ACSS1: variants seen among roughly 807,000 people sequenced by gnomAD.
ACSS1 encodes the protein acetyl-coenzyme A synthetase 2-like, mitochondrial.
Under a neutral mutation model 75.3 loss-of-function variants are expected in ACSS1, and 42 were observed. The ratio of observed to expected loss-of-function variants is 0.56; its 90% CI spans 0.44 to 0.72. ACSS1 has a LOEUF of 0.72. Ranked by LOEUF, ACSS1 falls within the 30% of genes least tolerant of loss-of-function variation. ACSS1 has a pLI of 0.00. For synonymous variants in ACSS1, 380 were observed against 376.8 expected, an observed-to-expected ratio of 1.01 and a Z score of -0.10; for missense variants, 782 against 935.7, an observed-to-expected ratio of 0.84 and a Z score of 2.14.
At position 25,031,181 on chromosome 20, in the gene ACSS1, A is replaced by T. The variant is rs1298613933; in HGVS notation, c.432-223T>A. 4.7e-6 allele frequency: 3 copies of T among 641,654 alleles called. No homozygotes were observed. The African/African-American group carries it at 5.5e-5, about 12-fold the overall frequency. The allele number at this position is 641,654 out of a possible 1,614,324, so 39.7% of individuals were successfully genotyped here. On this transcript the variant is annotated intron_variant, in intron 2 of 13. Transcript: ENST00000323482. ...GGCAGAGATTCACTGCCACATTGCT[A>T]GGGTGACAAGGCTATCCTTAAGTCC... is the stretch of plus-strand genomic sequence containing the variant.
rs150396457 is a variant in ACSS1 at position 25,053,770 on chromosome 20, T to C, written c.334+3999A>G. 2.0e-4 allele frequency among the ~76,000 whole-genome samples: 30 copies of C among 152,294 alleles called. No individual in the cohort carries two copies. The East Asian group carries it at 5.8e-3, about 29-fold the overall frequency. ...TAATCTCCAAAAAGCATCCAAGAAA[T>C]TTCCCAGTGCTCAATGCTTGGTTAC... On this transcript the variant is annotated intron_variant, in intron 1 of 13. Transcript: ENST00000323482.
chr20:25,055,678 T>C (rs1166233263), intron 1 of ACSS1, among the ~76,000 whole-genome samples: 1 of 152,242 alleles, frequency 6.6e-6, no homozygotes, highest in Non-Finnish European at 1.5e-5. Flanking sequence ...TCTCAGGTAA[T>C]GCTGATGCTG....
intron 11 of ACSS1, 34 bp downstream of exon 11, chr20:25,012,778 T>C (rs6132785): frequency 0.28 from 444,575 of 1,613,144 alleles, 65,276 homozygotes; most frequent in African/African-American, 0.48. Context: ...CATGGAGGTG[T>C]AGGAGTGAAG....
chr20:25,015,228 C>A lies in ACSS1; in HGVS notation c.1249G>T (p.Gly417Ter). ...CAGGCCTCACAGTTGATGGGCTCTCCCACTGAAACCACACAGAAAGAAAAA... is the reference window on the plus strand; with the variant it reads ...CAGGCCTCACAGTTGATGGGCTCTCACACTGAAACCACACAGAAAGAAAAA... ...RSSLRTLGSV[G>*]EPINCEAWEW... The change falls in exon 8 of 14, where the codon GGA (glycine) becomes TGA (stop). Residue 417 changes from glycine to a stop codon, truncating the protein, a stop_gained and splice_region_variant. Transcript: ENST00000323482. LOFTEE classifies it high-confidence loss of function. The A allele has an allele frequency of 6.2e-7, 1 of 1,603,552 alleles. No individual in the cohort carries two copies.
At chr20:25,037,536 G>T (rs1462047973) in intron 2 of ACSS1, among the ~76,000 whole-genome samples, 1 of 152,210 alleles carries the variant, frequency 6.6e-6, no homozygotes, top group African/African-American at 2.4e-5. Flanking sequence ...ATTTCCTCAG[G>T]CTCAGTCACT....
At chr20:25,036,276 A>G (rs1000852728) in intron 2 of ACSS1, among the ~76,000 whole-genome samples, 1 of 152,170 alleles carries the variant, frequency 6.6e-6, no homozygotes, top group African/African-American at 2.4e-5. Flanking sequence ...CACTAGGAAA[A>G]CGCTGACTGG....
chr20:25,014,987 C>T (rs1480481691), intron 8 of ACSS1, 151 bp downstream of exon 8: 5 of 561,056 alleles, frequency 8.9e-6, no homozygotes, highest in Non-Finnish European at 1.2e-5. Context: ...TCTGAGTTCC[C>T]TCACTCTAGG....
chr20:25,009,100 A>G (rs2088362145), intron 13 of ACSS1, among the ~76,000 whole-genome samples, 170 bp downstream of exon 13: 4 of 152,216 alleles, frequency 2.6e-5, no homozygotes, highest in Admixed American at 1.3e-4. Context: ...TTCTCCCTCT[A>G]TGACAACACA....
chr20:25,014,675 A>C (rs1016690024), intron 8 of ACSS1, among the ~76,000 whole-genome samples: 3 of 152,204 alleles, frequency 2.0e-5, no homozygotes, highest in Non-Finnish European at 4.4e-5. Flanking sequence ...GGACAAATCC[A>C]AACAAAATGT....
At chr20:25,057,712 G>C (rs958123548) in intron 1 of ACSS1, 57 bp downstream of exon 1, 17 of 1,470,554 alleles carry the variant, frequency 1.2e-5, no homozygotes, top group Non-Finnish European at 1.6e-5. Flanking sequence ...GAGAGGCTCC[G>C]AGTCCCCTCG....
chr20:25,015,577 G>A (rs963961910), intron 7 of ACSS1, among the ~76,000 whole-genome samples: 5 of 152,208 alleles, frequency 3.3e-5, no homozygotes, highest in Admixed American at 6.5e-5. Context: ...GGTTACAGGT[G>A]TGAGCTGCTG....
intron 1 of ACSS1, among the ~76,000 whole-genome samples, chr20:25,051,771 C>T (rs974930105): frequency 8.5e-5 from 13 of 152,238 alleles, no homozygotes; most frequent in African/African-American, 3.1e-4. Context: ...ACTAAAAACT[C>T]AGGGTCTAAA....
intron 2 of ACSS1, among the ~76,000 whole-genome samples, chr20:25,040,392 G>A (rs2088981241): frequency 6.6e-6 from 1 of 152,232 alleles, no homozygotes; most frequent in Admixed American, 6.5e-5. Flanking sequence ...ACCTGGAGGA[G>A]AGTAAGCCCT....
chr20:25,029,191 C>T (rs796730938), intron 3 of ACSS1, among the ~76,000 whole-genome samples: 1 of 152,220 alleles, frequency 6.6e-6, no homozygotes, highest in African/African-American at 2.4e-5. Context: ...AACAAAAAGA[C>T]AAGCAAGCAA....
At chr20:25,044,695 C>T (rs1485672972) in intron 2 of ACSS1, among the ~76,000 whole-genome samples, 1 of 152,234 alleles carries the variant, frequency 6.6e-6, no homozygotes, top group Non-Finnish European at 1.5e-5. Context: ...CCACTGCCGT[C>T]CCAGAGTGCT....
intron 2 of ACSS1, among the ~76,000 whole-genome samples, chr20:25,034,813 C>T (rs1284738652): frequency 1.3e-5 from 2 of 151,986 alleles, no homozygotes; most frequent in African/African-American, 4.8e-5. Flanking sequence ...GGAGATCCAC[C>T]CACCTCGGCC....
At chr20:25,035,156 A>G (rs1229098657) in intron 2 of ACSS1, among the ~76,000 whole-genome samples, 1 of 151,976 alleles carries the variant, frequency 6.6e-6, no homozygotes, top group African/African-American at 2.4e-5. Flanking sequence ...TGGCCTCCCG[A>G]AGTGCTGGGA....
intron 12 of ACSS1, chr20:25,009,705 C>T: frequency 3.1e-6 from 1 of 317,778 alleles, no homozygotes; most frequent in Non-Finnish European, 5.9e-6. Context: ...GTGTACACAT[C>T]TGTGAAATAA....
chr20:25,047,934 G>T, intron 2 of ACSS1, 151 bp downstream of exon 2: 1 of 599,164 alleles, frequency 1.7e-6, no homozygotes. Flanking sequence ...TTCTGCTTGC[G>T]TTCACATTTA....
Sources: allele counts gnomAD v4.1 joint callset (sites outside exome capture counted in the v4.1 genomes callset), GRCh38; gene constraint gnomAD v4.1.1; transcripts MANE v1.5; gene names NCBI Gene and HGNC (gene_info 2026-07-23, HGNC 2026-07-21).